Variants in ROBO2 observed in about 807,000 individuals in gnomAD.
ROBO2 encodes roundabout guidance receptor 2, also known as roundabout homolog 2.
A neutral mutation model predicts 160.8 loss-of-function variants in ROBO2; 53 were observed. That is an observed-to-expected ratio of 0.33 (90% CI 0.26 to 0.41). ROBO2 has a LOEUF of 0.41. Ranked by LOEUF, ROBO2 falls within the 10% of genes least tolerant of loss-of-function variation. ROBO2 has a pLI of 1.00. For synonymous variants in ROBO2, 664 were observed against 611.7 expected (o/e 1.09, Z -1.26); for missense variants, 1,577 against 1,722.4 (o/e 0.92, Z 1.49).
chr3:77,288,950 C>T (rs2060822632), intron 2 of ROBO2, among the ~76,000 whole-genome samples: 2 of 152,198 alleles, frequency 1.3e-5, no homozygotes, highest in South Asian at 4.1e-4. Flanking sequence ...CATGTGAGAC[C>T]TCTATATTGA....
At chr3:76,841,414 A>G (rs909087030) in intron 2 of ROBO2, among the ~76,000 whole-genome samples, 3 of 152,174 alleles carry the variant, frequency 2.0e-5, no homozygotes, top group African/African-American at 7.2e-5. Flanking sequence ...AAGATAGAAG[A>G]TACAGAATAC....
chr3:76,681,825 G>C (rs1276006533), intron 2 of ROBO2, among the ~76,000 whole-genome samples: 8 of 152,058 alleles, frequency 5.3e-5, no homozygotes, highest in Non-Finnish European at 1.2e-4. Flanking sequence ...AATTACTGTT[G>C]CACCAACTTA....
chr3:76,100,142 G>A (rs2069623015), intron 2 of ROBO2, among the ~76,000 whole-genome samples: 1 of 152,090 alleles, frequency 6.6e-6, no homozygotes, highest in Non-Finnish European at 1.5e-5. Flanking sequence ...TGGAACCCAT[G>A]AATCCTTGCA....
chr3:76,822,285 C>T (rs1044864706), intron 2 of ROBO2, among the ~76,000 whole-genome samples: 2 of 151,924 alleles, frequency 1.3e-5, no homozygotes, highest in African/African-American at 4.8e-5. Flanking sequence ...ATTCCTGGTT[C>T]CTAGTACACA....
At chr3:76,474,995 C>T (rs1277943009) in intron 2 of ROBO2, among the ~76,000 whole-genome samples, 1 of 151,906 alleles carries the variant, frequency 6.6e-6, no homozygotes, top group African/African-American at 2.4e-5. Context: ...CTACTTCCAT[C>T]GTCAGCCTAA....
At chr3:77,159,394 T>C (rs1162693839) in intron 2 of ROBO2, among the ~76,000 whole-genome samples, 4 of 152,176 alleles carry the variant, frequency 2.6e-5, no homozygotes, top group Admixed American at 6.5e-5. Context: ...TTCCCAGCTA[T>C]TGCACTAGGG....
intron 2 of ROBO2, among the ~76,000 whole-genome samples, chr3:75,945,380 G>A (rs77294317): frequency 6.6e-6 from 1 of 152,142 alleles, no homozygotes; most frequent in Non-Finnish European, 1.5e-5. Context: ...AAAGCACACA[G>A]TTTGGAGTAG....
At chr3:77,181,110 A>G (rs2080740664) in intron 2 of ROBO2, among the ~76,000 whole-genome samples, 2 of 152,102 alleles carry the variant, frequency 1.3e-5, no homozygotes, top group South Asian at 2.1e-4. Context: ...GATGACTTCA[A>G]TCTTACTTAG....
chr3:77,525,433 A>AAC (rs888349057), intron 6 of ROBO2, among the ~76,000 whole-genome samples: 3 of 150,622 alleles, frequency 2.0e-5, no homozygotes, highest in Non-Finnish European at 3.0e-5. Flanking sequence ...TTAAAAAAAA[A>AAC]AACTATAAAT....
At chr3:77,392,713 G>A (rs958482768) in intron 2 of ROBO2, among the ~76,000 whole-genome samples, 1 of 152,044 alleles carries the variant, frequency 6.6e-6, no homozygotes, top group African/African-American at 2.4e-5. Context: ...AGGCTTGAGG[G>A]GTTCTGAGAT....
intron 2 of ROBO2, among the ~76,000 whole-genome samples, chr3:77,227,032 C>G (rs1361646636): frequency 6.6e-6 from 1 of 152,004 alleles, no homozygotes; most frequent in Non-Finnish European, 1.5e-5. Context: ...AATTTTTGTC[C>G]TTTAATACAA....
At chr3:77,079,723 G>A (rs2068431286) in intron 1 of ROBO2, among the ~76,000 whole-genome samples, 1 of 152,174 alleles carries the variant, frequency 6.6e-6, no homozygotes. Context: ...CGTCCAGTTT[G>A]CTTATAGGGG....
intron 2 of ROBO2, among the ~76,000 whole-genome samples, chr3:76,576,622 T>C (rs1473406294): frequency 6.6e-6 from 1 of 151,610 alleles, no homozygotes; most frequent in African/African-American, 2.4e-5. Flanking sequence ...TTTTAAAATC[T>C]CATTTTTTAA....
chr3:76,622,339 C>A (rs973182625), intron 2 of ROBO2, among the ~76,000 whole-genome samples: 1 of 149,956 alleles, frequency 6.7e-6, no homozygotes, highest in Non-Finnish European at 1.5e-5. Context: ...GTGGTGCATA[C>A]CTGTAGTCCC....
At chr3:76,910,540 G>A (rs951838486) in intron 2 of ROBO2, among the ~76,000 whole-genome samples, 7 of 151,658 alleles carry the variant, frequency 4.6e-5, no homozygotes, top group African/African-American at 1.5e-4. Flanking sequence ...ATCCTGGCCA[G>A]CATGGTGAAA....
intron 2 of ROBO2, among the ~76,000 whole-genome samples, chr3:76,974,798 T>C (rs748564221): frequency 1.3e-5 from 2 of 152,162 alleles, no homozygotes; most frequent in Admixed American, 6.5e-5. Flanking sequence ...TGGTAGCCCT[T>C]AGAGGGCTTT....
At chr3:77,466,155 G>A (rs945223125) in intron 2 of ROBO2, among the ~76,000 whole-genome samples, 7 of 152,052 alleles carry the variant, frequency 4.6e-5, no homozygotes, top group East Asian at 1.9e-4. Context: ...AATATGATAC[G>A]TTCTGAATTA....
chr3:76,807,218 A>G (rs1363788701), intron 2 of ROBO2, among the ~76,000 whole-genome samples: 1 of 152,016 alleles, frequency 6.6e-6, no homozygotes, highest in Non-Finnish European at 1.5e-5. Flanking sequence ...GAAATTATTT[A>G]TTTTTCAGCA....
intron 2 of ROBO2, among the ~76,000 whole-genome samples, chr3:76,811,377 T>C (rs2108991626): frequency 6.6e-6 from 1 of 152,310 alleles, no homozygotes; most frequent in Non-Finnish European, 1.5e-5. Flanking sequence ...ATATTGCTTA[T>C]GTCATACCTT....
Sources: gnomAD v4.1 joint callset for allele counts (sites outside exome capture counted in the v4.1 genomes callset) on GRCh38, gnomAD v4.1.1 for gene constraint, MANE v1.5 for transcripts, NCBI Gene and HGNC (gene_info 2026-07-23, HGNC 2026-07-21) for gene names.